The following LRP1B variants were observed in gnomAD, a reference collection of about 807,000 sequenced individuals.
LRP1B encodes the protein low-density lipoprotein receptor-related protein 1B.
Under a neutral mutation model 556.6 loss-of-function variants are expected in LRP1B, and 217 were observed. The ratio of observed to expected loss-of-function variants is 0.39; its 90% confidence interval spans 0.35 to 0.44. The LOEUF is 0.44. Ranked by LOEUF, LRP1B falls within the 20% of genes least tolerant of loss-of-function variation. LRP1B has a pLI of 1.00. For synonymous variants in LRP1B, 2,047 were observed against 1,865.8 expected (o/e 1.10, Z -2.50); for missense variants, 5,053 against 5,620.8 (o/e 0.90, Z 3.23).
At chr2:141,417,024 T>C (rs1433510518) in intron 3 of LRP1B, among the ~76,000 whole-genome samples, 1 of 152,220 alleles carries the variant, frequency 6.6e-6, no homozygotes, top group East Asian at 1.9e-4. Context: ...ACACTAAATT[T>C]TATAGTCATA....
chr2:141,818,035 A>C (rs1204770616), intron 1 of LRP1B, among the ~76,000 whole-genome samples: 3 of 152,190 alleles, frequency 2.0e-5, no homozygotes, highest in Non-Finnish European at 4.4e-5. Context: ...ACTGTGACTT[A>C]TGTTTTCAGA....
At chr2:141,856,103 A>T (rs946036215) in intron 1 of LRP1B, among the ~76,000 whole-genome samples, 2 of 152,174 alleles carry the variant, frequency 1.3e-5, no homozygotes, top group African/African-American at 4.8e-5. Flanking sequence ...AATACCATAT[A>T]TAAAAAATGT....
intron 10 of LRP1B, among the ~76,000 whole-genome samples, chr2:141,050,561 T>C (rs1023461017): frequency 2.6e-5 from 4 of 152,050 alleles, no homozygotes; most frequent in Non-Finnish European, 4.4e-5. Flanking sequence ...TGTGTTCACA[T>C]TGTTCAACTC....
chr2:141,193,731 T>A (rs543370172), intron 6 of LRP1B, among the ~76,000 whole-genome samples: 28 of 150,832 alleles, frequency 1.9e-4, no homozygotes, highest in African/African-American at 6.1e-4. Flanking sequence ...AAAATAAAAG[T>A]TAGAAAAAAA....
chr2:141,505,414 G>A (rs1349228063), intron 2 of LRP1B, among the ~76,000 whole-genome samples: 1 of 151,976 alleles, frequency 6.6e-6, no homozygotes, highest in African/African-American at 2.4e-5. Context: ...ATCCATTGCT[G>A]TAACAGTATG....
chr2:141,508,280 T>C (rs995818838), intron 2 of LRP1B, among the ~76,000 whole-genome samples: 1 of 152,136 alleles, frequency 6.6e-6, no homozygotes, highest in Non-Finnish European at 1.5e-5. Context: ...AAGTGACTTT[T>C]ACAGAAGGTA....
chr2:141,831,795 C>T (rs778973766), intron 1 of LRP1B, among the ~76,000 whole-genome samples: 2 of 151,484 alleles, frequency 1.3e-5, no homozygotes, highest in South Asian at 2.1e-4. Context: ...ACAGTGGGGG[C>T]GCTCAAAAAA....
intron 1 of LRP1B, among the ~76,000 whole-genome samples, chr2:141,917,461 A>T (rs1041136894): frequency 2.6e-5 from 4 of 152,230 alleles, no homozygotes; most frequent in Admixed American, 6.5e-5. Context: ...AAATTTGGAC[A>T]TTAGTTTTTT....
chr2:141,586,245 GATAAAAT>G (rs1221402130), intron 2 of LRP1B, among the ~76,000 whole-genome samples: 1 of 151,972 alleles, frequency 6.6e-6, no homozygotes, highest in Non-Finnish European at 1.5e-5. Context: ...AATTATACAG[GATAAAAT>G]ATAAAAAGCC....
chr2:141,012,491 C>T (rs535240461), intron 14 of LRP1B, among the ~76,000 whole-genome samples: 4 of 152,046 alleles, frequency 2.6e-5, no homozygotes, highest in African/African-American at 7.2e-5. Context: ...TTAATCTATC[C>T]AGGCAATTAT....
At chr2:140,803,365 C>T (rs1470220662) in intron 32 of LRP1B, among the ~76,000 whole-genome samples, 2 of 150,274 alleles carry the variant, frequency 1.3e-5, no homozygotes, top group Admixed American at 6.7e-5. Context: ...CAACCTCCAC[C>T]TCCCGGGTTC....
chr2:141,689,642 A>G (rs1186922303), intron 2 of LRP1B, among the ~76,000 whole-genome samples: 1 of 151,730 alleles, frequency 6.6e-6, no homozygotes, highest in East Asian at 1.9e-4. Flanking sequence ...GAGATAATAG[A>G]TCATTTTCTT....
chr2:141,660,859 T>C (rs355570), intron 2 of LRP1B, among the ~76,000 whole-genome samples: 19,148 of 152,106 alleles, frequency 0.13, 1,800 homozygotes, highest in African/African-American at 0.25. Flanking sequence ...CCTGATCTCG[T>C]GCCTCCTGAC....
At chr2:141,914,809 T>C (rs991115369) in intron 1 of LRP1B, among the ~76,000 whole-genome samples, 3 of 152,096 alleles carry the variant, frequency 2.0e-5, no homozygotes, top group Non-Finnish European at 4.4e-5. Context: ...TGAAGATGTC[T>C]ACAAGAAGAA....
At chr2:140,964,851 G>C (rs1003583290) in intron 18 of LRP1B, among the ~76,000 whole-genome samples, 4 of 152,184 alleles carry the variant, frequency 2.6e-5, no homozygotes, top group Non-Finnish European at 4.4e-5. Flanking sequence ...CAACCTGGGA[G>C]GCTGAGGCAG....
At chr2:141,035,475 A>T (rs1276040916) in intron 11 of LRP1B, among the ~76,000 whole-genome samples, 1 of 152,078 alleles carries the variant, frequency 6.6e-6, no homozygotes, top group Admixed American at 6.6e-5. Context: ...TGGCAGATGC[A>T]TCCAATAAGA....
At chr2:141,838,103 AT>A (rs1697350003) in intron 1 of LRP1B, among the ~76,000 whole-genome samples, 2 of 152,134 alleles carry the variant, frequency 1.3e-5, no homozygotes, top group Non-Finnish European at 2.9e-5. Flanking sequence ...AAACACATTT[AT>A]TGGGTACCTA....
intron 1 of LRP1B, among the ~76,000 whole-genome samples, chr2:142,044,236 T>C (rs1228047966): frequency 6.6e-6 from 1 of 151,780 alleles, no homozygotes; most frequent in Non-Finnish European, 1.5e-5. Flanking sequence ...AAAAAGGAAT[T>C]AGATTCTTCT....
At chr2:140,380,308 G>T (rs1683414770) in intron 67 of LRP1B, among the ~76,000 whole-genome samples, 1 of 152,064 alleles carries the variant, frequency 6.6e-6, no homozygotes, top group Non-Finnish European at 1.5e-5. Flanking sequence ...GAAAAAATAA[G>T]TGTCCACATA....
Sources: allele counts gnomAD v4.1 joint callset (sites outside exome capture counted in the v4.1 genomes callset), GRCh38; gene constraint gnomAD v4.1.1; transcripts MANE v1.5; gene names NCBI Gene and HGNC (gene_info 2026-07-23, HGNC 2026-07-21).